Variants in CACNA1A observed in about 807,000 individuals in gnomAD.
CACNA1A encodes voltage-dependent P/Q-type calcium channel subunit alpha-1A.
A neutral mutation model predicts 262.4 loss-of-function variants in CACNA1A; 57 were observed. The ratio of observed to expected loss-of-function variants is 0.22; its 90% confidence interval spans 0.18 to 0.27. The LOEUF (loss-of-function observed/expected upper bound fraction) is 0.27, where lower values mean the gene tolerates loss of function less well. Among genes scored for constraint, CACNA1A ranks in the 10% least tolerant of loss-of-function variants. The pLI is 1.00. For synonymous variants in CACNA1A, 1,431 were observed against 1,419.3 expected, an observed-to-expected ratio of 1.01 and a Z score of -0.18; for missense variants, 2,526 against 3,562.8, an observed-to-expected ratio of 0.71 and a Z score of 7.41.
At position 13,231,994 on chromosome 19, in the gene CACNA1A, C is replaced by T. The variant is rs1001728714; in HGVS notation, c.5250-134G>A. 8 of 744,426 alleles carry T rather than the reference C, an allele frequency of 1.1e-5. No homozygotes were observed. The Admixed American group carries it at 1.7e-4, about 16-fold the overall frequency. 46.1% of individuals were successfully genotyped at this position (744,426 alleles called of 1,614,324 possible). ...CAGGCAAGCCCCAGGTGGACCACCT[C>T]CTTTTACTGGGAGCTGAGAGAAGGG... is the stretch of plus-strand genomic sequence containing the variant. On this transcript the variant is annotated intron_variant, in intron 34 of 46. Transcript: ENST00000360228.
chr19:13,214,808 TG>T lies in CACNA1A; in HGVS notation c.5732-201del. The T allele has an allele frequency of 1.7e-6, 1 of 594,788 alleles. No individual in the cohort carries two copies. The highest frequency in any genetic ancestry group is 3.0e-6 in the Non-Finnish European group (1 of 334,222). The allele number at this position is 594,788 out of a possible 1,614,324, so 36.8% of individuals were successfully genotyped here. A position where few individuals can be genotyped will look rare whatever the true frequency, so the allele number is the denominator to read the frequency against. ...TGACCTTGTGGGCTCTGGTTTTCGGTGGGGCCAGGACCATGGAGCAGCTGTG... is the reference window on the plus strand; with the variant it reads ...TGACCTTGTGGGCTCTGGTTTTCGGTGGGCCAGGACCATGGAGCAGCTGTG... On this transcript the variant is annotated intron_variant, in intron 38 of 46. Coordinates refer to ENST00000360228, the MANE Select transcript of CACNA1A (RefSeq NM_001127222.2). This position sits in a 1 kb window ranked among gnomAD's most constrained non-coding sequence, Gnocchi z 4.1.
chr19:13,356,749 C>T (rs912424880), intron 6 of CACNA1A, among the ~76,000 whole-genome samples: 2 of 152,180 alleles, frequency 1.3e-5, no homozygotes, highest in African/African-American at 4.8e-5. Context: ...CTTTCCCTCT[C>T]AGGAGGGTTC....
intron 22 of CACNA1A, among the ~76,000 whole-genome samples, chr19:13,281,208 G>A (rs1032124962): frequency 1.3e-5 from 2 of 151,160 alleles, no homozygotes; most frequent in South Asian, 2.1e-4. Context: ...AGCGAGGCCC[G>A]TTTCTACAAG....
At position 13,298,743 on chromosome 19, in the gene CACNA1A, G is replaced by A. The variant is rs1383144531; in HGVS notation, c.2890C>T (p.Pro964Ser). 4 of 1,508,216 alleles carry A rather than the reference G, an allele frequency of 2.7e-6. No homozygotes were observed. In the African/African-American group the frequency reaches 4.4e-5, roughly 16 times the overall value. The allele number at this position is 1,508,216 out of a possible 1,614,324, so 93.4% of individuals were successfully genotyped here. The change falls in exon 19 of 47, where the codon CCC becomes TCC. Residue 964 changes from proline to serine, a missense_variant. Physicochemically the swap from Pro to Ser is moderately conservative, Grantham distance 74. This residue lies in a region of CACNA1A where 765 missense variants were observed against 748.6 expected (regional missense o/e 1.02). Transcript: ENST00000360228. ...TTGTCCTCCGGACCCTCCTCCCCGG[G>A]CCTGCGGTGCGCGCGATGACGTCGA... ...EHRRHRAHRR[P>S]GEEGPEDKAE...
At chr19:13,248,002 T>C (rs1184377785) in intron 30 of CACNA1A, among the ~76,000 whole-genome samples, 1 of 152,012 alleles carries the variant, frequency 6.6e-6, no homozygotes, top group Admixed American at 6.6e-5. Flanking sequence ...CTCCTGGAGG[T>C]ATCCACTGAA....
Position 13,261,614 on chromosome 19 carries a change from T to G in CACNA1A, c.4090-4A>C. 1 of 1,606,888 alleles carries G rather than the reference T, an allele frequency of 6.2e-7. No individual in the cohort carries two copies. Among genetic ancestry groups the G allele is most frequent in the Non-Finnish European group, 8.5e-7 (1 of 1,176,812 alleles). On this transcript the variant is annotated splice_region_variant and splice_polypyrimidine_tract_variant and intron_variant, in intron 25 of 46. Coordinates refer to ENST00000360228, the MANE Select transcript of CACNA1A (RefSeq NM_001127222.2). ...TCACCACACAGTCAAACACAGCCTGTGGGGTGGAGTTGACAGAGAGCATGA... is the reference window on the plus strand; with the variant it reads ...TCACCACACAGTCAAACACAGCCTGGGGGGTGGAGTTGACAGAGAGCATGA...
At chr19:13,393,806 C>CCTCA (rs1318857151) in intron 3 of CACNA1A, among the ~76,000 whole-genome samples, 9 of 105,274 alleles carry the variant, frequency 8.5e-5, no homozygotes, top group Non-Finnish European at 1.1e-4. Flanking sequence ...TCCCTCCCTC[C>CCTCA]TTCCTCTCTC....
At chr19:13,435,397 C>T (rs1050781204) in intron 3 of CACNA1A, among the ~76,000 whole-genome samples, 10 of 151,814 alleles carry the variant, frequency 6.6e-5, no homozygotes, top group African/African-American at 2.2e-4. Flanking sequence ...TAAGCCATCA[C>T]GCCCAGCCCC....
At chr19:13,273,764 T>G (rs1460286800) in intron 24 of CACNA1A, 1 of 152,192 alleles carries the variant, frequency 6.6e-6, no homozygotes, top group East Asian at 1.9e-4. Context: ...TTTATTTTTT[T>G]GAGACAAGTT....
At chr19:13,364,705 T>C (rs2059176335) in intron 5 of CACNA1A, 1 of 152,304 alleles carries the variant, frequency 6.6e-6, no homozygotes, top group Non-Finnish European at 1.5e-5. Flanking sequence ...AGTGGTGTGA[T>C]CTTGGCTCAC....
chr19:13,347,896 C>G (rs977650481), intron 6 of CACNA1A, among the ~76,000 whole-genome samples: 1 of 151,832 alleles, frequency 6.6e-6, no homozygotes, highest in African/African-American at 2.4e-5. Flanking sequence ...CCAGGGGACA[C>G]GCATTTATTT....
chr19:13,423,459 CA>C (rs2060349755), intron 3 of CACNA1A, among the ~76,000 whole-genome samples: 1 of 152,082 alleles, frequency 6.6e-6, no homozygotes, highest in Non-Finnish European at 1.5e-5. Flanking sequence ...GAAGTGAAGC[CA>C]ATGCTGTGTG....
chr19:13,425,824 G>A (rs901820594), intron 3 of CACNA1A, among the ~76,000 whole-genome samples: 5 of 152,136 alleles, frequency 3.3e-5, no homozygotes, highest in African/African-American at 9.7e-5. Flanking sequence ...GGGGGGCCGA[G>A]GCGGGTTGAT....
intron 1 of CACNA1A, among the ~76,000 whole-genome samples, chr19:13,472,069 C>A (rs1978286049): frequency 6.6e-6 from 1 of 152,108 alleles, no homozygotes. Flanking sequence ...CTCCAGCAAT[C>A]CTCCTACCTC....
chr19:13,473,958 C>A (rs543440150), intron 1 of CACNA1A, among the ~76,000 whole-genome samples: 1 of 152,338 alleles, frequency 6.6e-6, no homozygotes, highest in Non-Finnish European at 1.5e-5. Context: ...CTCCCCACTG[C>A]ACTTCCCCAA....
intron 22 of CACNA1A, among the ~76,000 whole-genome samples, chr19:13,280,357 A>ATT (rs565586521): frequency 7.1e-6 from 1 of 141,034 alleles, no homozygotes. Context: ...AAAAAAAAAA[A>ATT]TTTTTTTTTT....
chr19:13,262,279 A>T (rs2056751326), intron 25 of CACNA1A: 1 of 156,372 alleles, frequency 6.4e-6, no homozygotes, highest in Non-Finnish European at 1.4e-5. Context: ...TAATGACTGG[A>T]TTTTATTTCC....
At chr19:13,391,670 G>A (rs766553001) in intron 3 of CACNA1A, among the ~76,000 whole-genome samples, 4 of 152,120 alleles carry the variant, frequency 2.6e-5, no homozygotes, top group Non-Finnish European at 5.9e-5. Flanking sequence ...GCTGAGACAG[G>A]AGGATTGCTT....
intron 3 of CACNA1A, among the ~76,000 whole-genome samples, chr19:13,448,141 T>C (rs1037948606): frequency 4.2e-5 from 6 of 144,082 alleles, no homozygotes; most frequent in African/African-American, 1.3e-4. Context: ...ATAAAGAAAA[T>C]GTGGTACATA....
Sources: allele counts gnomAD v4.1 joint callset (sites outside exome capture counted in the v4.1 genomes callset), GRCh38; gene constraint gnomAD v4.1.1; regional missense constraint gnomAD v4.1.1; non-coding constraint Gnocchi (gnomAD v3.1); transcripts MANE v1.5; gene names NCBI Gene and HGNC (gene_info 2026-07-23, HGNC 2026-07-21).